The following DGKB variants were observed in gnomAD, a reference collection of about 807,000 sequenced individuals.
DGKB encodes the protein diacylglycerol kinase beta.
In DGKB, 67 loss-of-function variants were observed where a neutral mutation model predicts 114.3. The observed-to-expected ratio is 0.59, with a 90% confidence interval of 0.48 to 0.72. DGKB has a LOEUF of 0.72. Ranked by LOEUF, DGKB falls within the 30% of genes least tolerant of loss-of-function variation. The probability of loss-of-function intolerance (pLI) is 0.00; values close to 1 mark genes in which losing one functional copy is unlikely to be tolerated. For synonymous variants in DGKB, 398 were observed against 323.1 expected (o/e 1.23, Z -2.49); for missense variants, 907 against 975.2 (o/e 0.93, Z 0.93).
intron 2 of DGKB, among the ~76,000 whole-genome samples, chr7:14,794,603 C>A (rs1368407456): frequency 6.6e-6 from 1 of 152,124 alleles, no homozygotes; most frequent in Non-Finnish European, 1.5e-5. Flanking sequence ...ATAGCCTTAT[C>A]TCCTAGAGCT....
intron 6 of DGKB, among the ~76,000 whole-genome samples, chr7:14,704,543 G>A (rs1028574074): frequency 6.6e-6 from 1 of 151,850 alleles, no homozygotes; most frequent in Non-Finnish European, 1.5e-5. Context: ...CGAGACCGAC[G>A]CAGAAGACGG....
intron 9 of DGKB, among the ~76,000 whole-genome samples, chr7:14,693,539 C>T (rs1223820247): frequency 1.3e-5 from 2 of 151,112 alleles, no homozygotes; most frequent in African/African-American, 2.4e-5. Context: ...GAAAAACTTA[C>T]GTTTATTTAA....
At chr7:14,364,940 C>T (rs1250914704) in intron 21 of DGKB, among the ~76,000 whole-genome samples, 4 of 151,972 alleles carry the variant, frequency 2.6e-5, no homozygotes, top group African/African-American at 4.8e-5. Flanking sequence ...CATCTGCAAA[C>T]GTGTCACATA....
At chr7:14,709,627 T>C (rs1393170329) in intron 6 of DGKB, among the ~76,000 whole-genome samples, 1 of 145,270 alleles carries the variant, frequency 6.9e-6, no homozygotes, top group Non-Finnish European at 1.5e-5. Flanking sequence ...CATGGAACAC[T>C]ATGCAGCCAT....
chr7:14,840,022 T>C (rs1251659570), intron 2 of DGKB, among the ~76,000 whole-genome samples: 1 of 152,192 alleles, frequency 6.6e-6, no homozygotes, highest in Non-Finnish European at 1.5e-5. Flanking sequence ...CTATAATTAA[T>C]GTGAGTGATA....
At chr7:14,873,043 C>A (rs1323818012) in intron 1 of DGKB, among the ~76,000 whole-genome samples, 1 of 151,880 alleles carries the variant, frequency 6.6e-6, no homozygotes, top group African/African-American at 2.4e-5. Flanking sequence ...TAACCAGAAA[C>A]GAAAATAATC....
intron 20 of DGKB, among the ~76,000 whole-genome samples, chr7:14,510,957 A>C: frequency 6.6e-6 from 1 of 152,196 alleles, no homozygotes; most frequent in East Asian, 1.9e-4. Context: ...TAGGATGAAA[A>C]TATTCAGTAA....
At chr7:14,263,039 G>C (rs1170175211) in intron 23 of DGKB, among the ~76,000 whole-genome samples, 1 of 152,018 alleles carries the variant, frequency 6.6e-6, no homozygotes. Context: ...TTCTATCTTA[G>C]AAATACTATG....
At chr7:14,450,907 T>C (rs1190893942) in intron 21 of DGKB, among the ~76,000 whole-genome samples, 1 of 151,796 alleles carries the variant, frequency 6.6e-6, no homozygotes, top group African/African-American at 2.4e-5. Context: ...TCAGGACAAG[T>C]AGTTGGTGGG....
In DGKB at chr7:14,602,962, A is replaced by T. The variant is rs144245432; in HGVS notation, c.1433+4472T>A. On this transcript the variant is annotated intron_variant, in intron 17 of 25. Coordinates refer to ENST00000402815, the MANE Select transcript of DGKB (RefSeq NM_001350709.2). The stretch of plus-strand genomic sequence containing the variant: ...GCTATTTGGCCTTTGTTGGTGAGAT[A>T]GATAATAAAAGCTAGACTTTTCAAC... Among the ~76,000 whole-genome samples, 376 of 152,294 alleles carry T rather than the reference A, an allele frequency of 2.5e-3. 2 individuals carry two copies. The highest frequency in any genetic ancestry group is 8.7e-3 in the African/African-American group (360 of 41,584).
intron 19 of DGKB, among the ~76,000 whole-genome samples, chr7:14,574,887 G>A (rs74638133): frequency 0.014 from 2,089 of 152,122 alleles, 28 homozygotes; most frequent in South Asian, 0.027. Context: ...TTAAAATTTC[G>A]TTTCTTATTC....
rs867535244 is a variant in DGKB at position 14,747,774 on chromosome 7, C to T, written c.168+6154G>A. ...TGCTGTGGGCTCAAACACATCCACGCGCACGCACACACACACACACACACA... is the reference window on the plus strand; with the variant it reads ...TGCTGTGGGCTCAAACACATCCACGTGCACGCACACACACACACACACACA... On this transcript the variant is annotated intron_variant, in intron 4 of 25. Coordinates refer to ENST00000402815, the MANE Select transcript of DGKB (RefSeq NM_001350709.2). Among the ~76,000 whole-genome samples the T allele has an allele frequency of 2.1e-4, 26 of 125,938 alleles. No homozygotes were observed. In the South Asian group the frequency reaches 2.3e-3, roughly 11 times the overall value. The allele number at this position is 125,938 out of a possible 152,430, so 82.6% of individuals were successfully genotyped here. A position where few individuals can be genotyped will look rare whatever the true frequency, so the allele number is the denominator to read the frequency against.
At chr7:14,647,736 G>C (rs950612245) in intron 13 of DGKB, among the ~76,000 whole-genome samples, 1 of 152,208 alleles carries the variant, frequency 6.6e-6, no homozygotes, top group Non-Finnish European at 1.5e-5. Flanking sequence ...GAGGTACCGG[G>C]TTCATCTCAC....
chr7:14,519,323 T>C (rs935422109), intron 20 of DGKB, among the ~76,000 whole-genome samples: 7 of 152,098 alleles, frequency 4.6e-5, no homozygotes, highest in African/African-American at 1.7e-4. Flanking sequence ...TGTTCTGCTT[T>C]GTTTTACATA....
At chr7:14,561,639 T>C (rs552691117) in intron 20 of DGKB, among the ~76,000 whole-genome samples, 1 of 152,088 alleles carries the variant, frequency 6.6e-6, no homozygotes, top group African/African-American at 2.4e-5. Flanking sequence ...ACTGGAGCAA[T>C]GGTAACTCTT....
chr7:14,393,426 T>TA (rs972530324), intron 21 of DGKB, among the ~76,000 whole-genome samples: 53 of 152,264 alleles, frequency 3.5e-4, no homozygotes, highest in African/African-American at 1.2e-3. Context: ...CCATATGATT[T>TA]AAAAAAGCAC....
intron 19 of DGKB, among the ~76,000 whole-genome samples, chr7:14,574,811 T>A (rs901528517): frequency 1.3e-5 from 2 of 152,184 alleles, no homozygotes; most frequent in African/African-American, 4.8e-5. Context: ...TCTCTTACCC[T>A]CACCTTTTCC....
intron 23 of DGKB, among the ~76,000 whole-genome samples, chr7:14,288,422 A>G (rs1382040196): frequency 6.6e-6 from 1 of 151,872 alleles, no homozygotes; most frequent in Admixed American, 6.6e-5. Context: ...AAATTCCTCA[A>G]TTTAAAAAGA....
chr7:14,791,022 G>T (rs1441757721), intron 2 of DGKB, among the ~76,000 whole-genome samples: 1 of 151,700 alleles, frequency 6.6e-6, no homozygotes, highest in Non-Finnish European at 1.5e-5. Flanking sequence ...TAAAGAACGG[G>T]GTCTCACTAT....
Sources: allele counts gnomAD v4.1 joint callset (sites outside exome capture counted in the v4.1 genomes callset), GRCh38; gene constraint gnomAD v4.1.1; transcripts MANE v1.5; gene names NCBI Gene and HGNC (gene_info 2026-07-23, HGNC 2026-07-21).